The following ANKS1B variants were observed in gnomAD, a reference collection of about 807,000 sequenced individuals.
The protein encoded by ANKS1B is ankyrin repeat and sterile alpha motif domain containing 1B, also known as ankyrin repeat and sterile alpha motif domain-containing protein 1B.
A neutral mutation model predicts 148.3 loss-of-function variants in ANKS1B; 36 were observed. The ratio of observed to expected loss-of-function variants is 0.24; its 90% CI spans 0.19 to 0.32. The LOEUF (loss-of-function observed/expected upper bound fraction) is 0.32, where lower values mean the gene tolerates loss of function less well. Ranked by LOEUF, ANKS1B falls within the 10% of genes least tolerant of loss-of-function variation. ANKS1B has a pLI of 1.00. For missense variants in ANKS1B, 1,157 were observed against 1,542.6 expected (o/e 0.75, Z 4.19); for synonymous variants, 542 against 560.8 (o/e 0.97, Z 0.47).
At chr12:99,369,657 G>A (rs1050900630) in intron 12 of ANKS1B, among the ~76,000 whole-genome samples, 1 of 151,928 alleles carries the variant, frequency 6.6e-6, no homozygotes, top group African/African-American at 2.4e-5. Flanking sequence ...GAAATATTTA[G>A]GAGTAACATT....
At chr12:98,883,577 C>T (rs1414149820) in intron 17 of ANKS1B, among the ~76,000 whole-genome samples, 1 of 152,192 alleles carries the variant, frequency 6.6e-6, no homozygotes, top group African/African-American at 2.4e-5. Context: ...TTCATAGTCA[C>T]TTACAATGCA....
At chr12:99,753,950 G>A (rs1194378631) in intron 8 of ANKS1B, among the ~76,000 whole-genome samples, 4 of 152,014 alleles carry the variant, frequency 2.6e-5, no homozygotes, top group Non-Finnish European at 5.9e-5. Context: ...TTGAACCCAG[G>A]AGGCAGAGGT....
intron 17 of ANKS1B, among the ~76,000 whole-genome samples, chr12:99,038,290 C>A (rs888409521): frequency 4.6e-5 from 7 of 152,146 alleles, no homozygotes; most frequent in African/African-American, 1.7e-4. Context: ...TATTCCCAAT[C>A]TCAAGAAACC....
At chr12:99,448,032 G>C (rs781162381) in intron 10 of ANKS1B, among the ~76,000 whole-genome samples, 1 of 151,986 alleles carries the variant, frequency 6.6e-6, no homozygotes. Flanking sequence ...CCATTAGAGA[G>C]AATAGTATGG....
At chr12:99,442,278 C>T (rs1377077935) in intron 11 of ANKS1B, among the ~76,000 whole-genome samples, 1 of 151,864 alleles carries the variant, frequency 6.6e-6, no homozygotes, top group Non-Finnish European at 1.5e-5. Flanking sequence ...TGATTCTCTG[C>T]CTCAGCCTCC....
chr12:99,594,403 C>A (rs1039705477), intron 9 of ANKS1B, among the ~76,000 whole-genome samples: 1 of 152,018 alleles, frequency 6.6e-6, no homozygotes, highest in Non-Finnish European at 1.5e-5. Context: ...GGCACTTGCA[C>A]AATCATGTTC....
intron 16 of ANKS1B, among the ~76,000 whole-genome samples, chr12:99,058,424 T>G (rs2041055108): frequency 6.6e-6 from 1 of 151,852 alleles, no homozygotes; most frequent in Non-Finnish European, 1.5e-5. Flanking sequence ...TCTTTTGTAT[T>G]TTTAGTTGAG....
At chr12:99,292,722 T>C (rs1188922107) in intron 12 of ANKS1B, among the ~76,000 whole-genome samples, 1 of 152,106 alleles carries the variant, frequency 6.6e-6, no homozygotes, top group Non-Finnish European at 1.5e-5. Flanking sequence ...AAAGAAAACA[T>C]CTATCCAGCC....
chr12:99,650,276 G>A (rs2098409611), intron 9 of ANKS1B, among the ~76,000 whole-genome samples: 1 of 89,896 alleles, frequency 1.1e-5, no homozygotes, highest in South Asian at 3.1e-4. Context: ...TGAGAACCCA[G>A]GAATACACAC....
At chr12:98,849,371 ATTCT>A (rs758375718) in intron 17 of ANKS1B, among the ~76,000 whole-genome samples, 7 of 152,172 alleles carry the variant, frequency 4.6e-5, no homozygotes, top group Non-Finnish European at 1.0e-4. Flanking sequence ...TCCTTGCAGC[ATTCT>A]TAGCTCCTTA....
chr12:99,668,583 TCTTTGTGA>T (rs1336501318), intron 8 of ANKS1B, among the ~76,000 whole-genome samples: 1 of 152,128 alleles, frequency 6.6e-6, no homozygotes, highest in Non-Finnish European at 1.5e-5. Context: ...TTTCTAAGTT[TCTTTGTGA>T]CTTTAGCAAC....
At chr12:98,938,049 A>G (rs909152448) in intron 17 of ANKS1B, among the ~76,000 whole-genome samples, 1 of 152,206 alleles carries the variant, frequency 6.6e-6, no homozygotes, top group African/African-American at 2.4e-5. Context: ...TGTGGGGATT[A>G]CAATTCGAGA....
chr12:99,581,910 A>AG (rs948141884), intron 9 of ANKS1B, among the ~76,000 whole-genome samples: 1 of 151,034 alleles, frequency 6.6e-6, no homozygotes, highest in Non-Finnish European at 1.5e-5. Flanking sequence ...AAAAAAAAAA[A>AG]AAAAAGAAAA....
rs75604234 is a variant in ANKS1B at position 99,131,001 on chromosome 12, G to A, written c.2526+23288C>T. Among the ~76,000 whole-genome samples, 12 of 152,258 alleles carry A rather than the reference G, an allele frequency of 7.9e-5. No homozygotes were observed. The East Asian group carries it at 9.6e-4, about 12-fold the overall frequency. On this transcript the variant is annotated intron_variant, in intron 15 of 26. Coordinates refer to ENST00000683438, the MANE Select transcript of ANKS1B (RefSeq NM_001352186.2). ...GAGTTAAACAAGACTTCTATGACAC[G>A]CCACAGCATCTGAAATACATCTGTG...
At chr12:98,761,493 C>G (rs1036000933) in intron 25 of ANKS1B, among the ~76,000 whole-genome samples, 7 of 152,164 alleles carry the variant, frequency 4.6e-5, no homozygotes, top group South Asian at 2.1e-4. Context: ...CTAGAGAGAG[C>G]CCAGCTCCCA....
Position 99,518,917 on chromosome 12 carries a change from T to C in ANKS1B, c.1273-14276A>G, listed in dbSNP as rs948752041. Among the ~76,000 whole-genome samples the C allele has an allele frequency of 5.3e-5, 8 of 152,210 alleles. No individual in the cohort carries two copies. In the South Asian group the frequency reaches 1.0e-3, roughly 20 times the overall value. The stretch of plus-strand genomic sequence containing the variant: ...ACTATATCCTATACATTTTGGTATG[T>C]TGTGTTTCCATTATGGTTTGTTTTG... On this transcript the variant is annotated intron_variant, in intron 9 of 26. Transcript: ENST00000683438.
intron 4 of ANKS1B, among the ~76,000 whole-genome samples, chr12:99,783,972 T>C (rs1367817941): frequency 6.6e-6 from 1 of 152,066 alleles, no homozygotes; most frequent in Non-Finnish European, 1.5e-5. Flanking sequence ...TATCAAAATA[T>C]CACTCTGTAC....
At chr12:99,545,952 A>T (rs1324342747) in intron 9 of ANKS1B, among the ~76,000 whole-genome samples, 1 of 151,998 alleles carries the variant, frequency 6.6e-6, no homozygotes, top group Non-Finnish European at 1.5e-5. Context: ...AAGATGGAAT[A>T]TTCTCCTCCG....
chr12:99,982,295 A>G (rs1487070659), intron 1 of ANKS1B, among the ~76,000 whole-genome samples: 1 of 151,366 alleles, frequency 6.6e-6, no homozygotes, highest in Non-Finnish European at 1.5e-5. Flanking sequence ...AACATTAAAT[A>G]CTTGGTGTTT....
Sources: allele counts gnomAD v4.1 joint callset (sites outside exome capture counted in the v4.1 genomes callset), GRCh38; gene constraint gnomAD v4.1.1; transcripts MANE v1.5; gene names NCBI Gene and HGNC (gene_info 2026-07-23, HGNC 2026-07-21).